The following CDH8 variants were observed in gnomAD, a reference collection of about 807,000 sequenced individuals.
The protein encoded by CDH8 is cadherin 8.
In CDH8, 17 loss-of-function variants were observed where a neutral mutation model predicts 68.1. The observed-to-expected ratio is 0.25, with a 90% CI of 0.17 to 0.37. The LOEUF (loss-of-function observed/expected upper bound fraction) is 0.37, where lower values mean the gene tolerates loss of function less well. CDH8 is among the 10% of genes least tolerant of loss of function. The pLI is 1.00. For missense variants in CDH8, 763 were observed against 999.3 expected (o/e 0.76, Z 3.19); for synonymous variants, 372 against 365.1 (o/e 1.02, Z -0.21).
chr16:61,817,895 G>A (rs1962117311), intron 6 of CDH8, 163 bp from the exon 7 acceptor site: 2 of 565,312 alleles, frequency 3.5e-6, no homozygotes, highest in South Asian at 3.0e-5. Context: ...AAATTTTATG[G>A]GCATTTATTT....
intron 3 of CDH8, among the ~76,000 whole-genome samples, chr16:61,877,087 T>C (rs916280507): frequency 6.6e-6 from 1 of 152,156 alleles, no homozygotes. Flanking sequence ...TTAGGTGTCA[T>C]TTCCTTTAAC....
Position 61,727,211 on chromosome 16 carries a change from G to C in CDH8, c.1419C>G (p.Asn473Lys). 1 of 1,605,476 alleles carries C rather than the reference G, an allele frequency of 6.2e-7. No homozygotes were observed. The change falls in exon 9 of 12, where the codon AAC (asparagine) becomes AAG (lysine). Residue 473 changes from asparagine to lysine, a missense_variant. Physicochemically the swap from Asn to Lys is moderately conservative, Grantham distance 94. Transcript: ENST00000577390. ...NITIIATEIR[N>K]HSQISRVPVA... Reference sequence around the variant, plus strand: ...CAGGTACTCGTGATATCTGACTGTGGTTCCCTATGGGAAGGAAAAAATAAC... The same window carrying C: ...CAGGTACTCGTGATATCTGACTGTGCTTCCCTATGGGAAGGAAAAAATAAC...
rs370216689 is a variant in CDH8 at position 61,967,831 on chromosome 16, G to A, written c.252+53321C>T. On this transcript the variant is annotated intron_variant, in intron 2 of 11. Transcript: ENST00000577390. ...TTTATTTATTTATTTCGTTTGAGAC[G>A]GAGTTTCGCTCTTGTTACCCAGGCT... Among the ~76,000 whole-genome samples the A allele has an allele frequency of 3.4e-4, 51 of 152,116 alleles. No homozygotes were observed. In the East Asian group the frequency reaches 7.0e-3, roughly 21 times the overall value.
At chr16:61,952,994 G>A (rs1036993086) in intron 2 of CDH8, among the ~76,000 whole-genome samples, 3 of 152,066 alleles carry the variant, frequency 2.0e-5, no homozygotes, top group African/African-American at 7.2e-5. Flanking sequence ...ATGTGAGGAT[G>A]GTAGGAGGTA....
chr16:61,830,906 A>G (rs1962441374), intron 4 of CDH8, among the ~76,000 whole-genome samples: 2 of 151,800 alleles, frequency 1.3e-5, no homozygotes. Context: ...CACAACTTTT[A>G]TTTTTTACTT....
chr16:61,830,252 C>T (rs1380608003), intron 4 of CDH8, among the ~76,000 whole-genome samples: 1 of 151,776 alleles, frequency 6.6e-6, no homozygotes, highest in Non-Finnish European at 1.5e-5. Flanking sequence ...TTTTAAAAAT[C>T]ATTGTTTGGT....
intron 2 of CDH8, among the ~76,000 whole-genome samples, chr16:61,928,552 C>T (rs1964490728): frequency 6.6e-6 from 1 of 152,158 alleles, no homozygotes; most frequent in South Asian, 2.1e-4. Flanking sequence ...AAGGACTGCA[C>T]CCCTAGCCAC....
chr16:61,888,804 T>C (rs567223256), intron 3 of CDH8, among the ~76,000 whole-genome samples: 1 of 152,140 alleles, frequency 6.6e-6, no homozygotes, highest in African/African-American at 2.4e-5. Context: ...TCAAAAAGTG[T>C]TAACTTTACT....
intron 10 of CDH8, among the ~76,000 whole-genome samples, chr16:61,664,094 G>T (rs929758455): frequency 2.2e-4 from 34 of 151,776 alleles, no homozygotes; most frequent in African/African-American, 8.0e-4. Context: ...CCTCCTCAGG[G>T]CTTTCATATT....
At chr16:62,034,994 A>G (rs1282893540) in intron 1 of CDH8, 1 of 152,210 alleles carries the variant, frequency 6.6e-6, no homozygotes, top group Non-Finnish European at 1.5e-5. Flanking sequence ...GGGAAGGGTC[A>G]ACCGCAAGGA....
chr16:61,959,413 T>A (rs897030651), intron 2 of CDH8, among the ~76,000 whole-genome samples: 4 of 152,140 alleles, frequency 2.6e-5, no homozygotes, highest in African/African-American at 9.6e-5. Flanking sequence ...AAATTAAGAA[T>A]CTCGAGACAA....
intron 8 of CDH8, among the ~76,000 whole-genome samples, chr16:61,782,164 T>C (rs1271763929): frequency 6.6e-6 from 1 of 152,126 alleles, no homozygotes; most frequent in Non-Finnish European, 1.5e-5. Context: ...TTTCTGCATT[T>C]CCATCTGAGG....
chr16:61,878,362 A>G (rs878951097), intron 3 of CDH8, among the ~76,000 whole-genome samples: 1 of 152,202 alleles, frequency 6.6e-6, no homozygotes, highest in Admixed American at 6.5e-5. Context: ...TTGAAAAAAT[A>G]ATTCATGTAT....
chr16:61,928,364 C>T (rs1432497030), intron 2 of CDH8, among the ~76,000 whole-genome samples: 1 of 152,200 alleles, frequency 6.6e-6, no homozygotes, highest in Non-Finnish European at 1.5e-5. Flanking sequence ...ATATTAGCTA[C>T]ATTTACTATG....
intron 8 of CDH8, among the ~76,000 whole-genome samples, chr16:61,760,024 C>A (rs942598152): frequency 6.6e-6 from 1 of 151,944 alleles, no homozygotes; most frequent in African/African-American, 2.4e-5. Flanking sequence ...TACCAACACA[C>A]CCCCCACCCC....
chr16:61,993,842 A>G (rs929948169), intron 2 of CDH8, among the ~76,000 whole-genome samples: 1 of 152,178 alleles, frequency 6.6e-6, no homozygotes, highest in Admixed American at 6.5e-5. Flanking sequence ...ACACTATTCC[A>G]TATCTTGTTT....
chr16:62,022,648 G>A (rs1240511775), intron 1 of CDH8, among the ~76,000 whole-genome samples: 5 of 152,110 alleles, frequency 3.3e-5, no homozygotes, highest in East Asian at 1.9e-4. Context: ...GGACACCCTC[G>A]GGGACAGTGT....
intron 9 of CDH8, among the ~76,000 whole-genome samples, chr16:61,723,159 G>A (rs1435430588): frequency 6.6e-6 from 1 of 150,628 alleles, no homozygotes; most frequent in African/African-American, 2.4e-5. Context: ...GTAACCAAGA[G>A]GTTAATATCT....
chr16:61,745,428 T>A (rs1363704928), intron 8 of CDH8, among the ~76,000 whole-genome samples: 1 of 152,006 alleles, frequency 6.6e-6, no homozygotes, highest in Non-Finnish European at 1.5e-5. Flanking sequence ...GTGACCATTA[T>A]TTCTTCAAAT....
Sources: allele counts gnomAD v4.1 joint callset (sites outside exome capture counted in the v4.1 genomes callset), GRCh38; gene constraint gnomAD v4.1.1; transcripts MANE v1.5; gene names NCBI Gene and HGNC (gene_info 2026-07-23, HGNC 2026-07-21).